INSR: variants seen among roughly 807,000 people sequenced by gnomAD.
INSR encodes the protein insulin receptor.
A neutral mutation model predicts 142.6 loss-of-function variants in INSR; 67 were observed. The observed-to-expected ratio is 0.47, with a 90% CI of 0.39 to 0.58. The LOEUF (loss-of-function observed/expected upper bound fraction) is 0.58. INSR is among the 20% of genes least tolerant of loss of function. The pLI, the probability that INSR is intolerant of heterozygous loss-of-function variation, is 0.00. For synonymous variants in INSR, 756 were observed against 743.1 expected (o/e 1.02, Z -0.28); for missense variants, 1,248 against 1,833.2 (o/e 0.68, Z 5.83).
At chr19:7,170,507 T>A (rs979137916) in intron 6 of INSR, 30 bp downstream of exon 6, 2 of 1,568,382 alleles carry the variant, frequency 1.3e-6, no homozygotes, top group South Asian at 1.1e-5. Flanking sequence ...CGGTCCCTCA[T>A]GCCAAAAAGG....
intron 13 of INSR, among the ~76,000 whole-genome samples, chr19:7,139,133 G>A (rs931112938): frequency 4.6e-5 from 7 of 152,158 alleles, no homozygotes; most frequent in Non-Finnish European, 1.0e-4. Context: ...AACACATGAG[G>A]ACAAAGCTCC....
chr19:7,230,012 A>C (rs532628006), intron 2 of INSR, among the ~76,000 whole-genome samples: 1 of 151,894 alleles, frequency 6.6e-6, no homozygotes, highest in Non-Finnish European at 1.5e-5. Flanking sequence ...GGCCGGCCTC[A>C]AACTCCTGGC....
At chr19:7,126,402 T>C (rs188840988) in intron 16 of INSR, among the ~76,000 whole-genome samples, 182 bp downstream of exon 16, 158 of 152,320 alleles carry the variant, frequency 1.0e-3, no homozygotes, top group African/African-American at 3.6e-3. Context: ...CCAAATACCA[T>C]GTGTCCAGAT....
chr19:7,204,707 A>T (rs540963325), intron 2 of INSR, among the ~76,000 whole-genome samples: 2 of 95,636 alleles, frequency 2.1e-5, no homozygotes, highest in East Asian at 5.9e-4. Context: ...CCTGGCACCT[A>T]TGCGGGGAAA....
intron 14 of INSR, among the ~76,000 whole-genome samples, chr19:7,131,295 T>C (rs1972774860): frequency 1.3e-5 from 2 of 152,016 alleles, no homozygotes; most frequent in Non-Finnish European, 2.9e-5. Context: ...GCTGATTACA[T>C]GGGTGACAAA....
chr19:7,192,302 G>GAAAAGAAAAGAAAAGAA lies in INSR; in HGVS notation c.653-7666_653-7665insTTCTTTTCTTTTCTTTT, dbSNP rs1389765743. On this transcript the variant is annotated intron_variant, in intron 2 of 21. Transcript: ENST00000302850. This position sits in a 1 kb window ranked among gnomAD's most constrained non-coding sequence, Gnocchi z 4.2. Reference sequence around the variant, plus strand: ...GAAAAGAAAAGAAAAGAAAAGAAAAGAAAAGAAAAAAATCACAGGCAGCCC... The same window carrying GAAAAGAAAAGAAAAGAA: ...GAAAAGAAAAGAAAAGAAAAGAAAAGAAAAGAAAAGAAAAGAAAAAAGAAAAAAATCACAGGCAGCCC... 1.9e-5 allele frequency among the ~76,000 whole-genome samples: 2 copies of GAAAAGAAAAGAAAAGAA among 107,972 alleles called. No homozygotes were observed. Among genetic ancestry groups the GAAAAGAAAAGAAAAGAA allele is most frequent in the African/African-American group, 7.1e-5 (2 of 27,996 alleles). 70.8% of individuals were successfully genotyped at this position (107,972 alleles called of 152,430 possible). A position where few individuals can be genotyped will look rare whatever the true frequency, so the allele number is the denominator to read the frequency against.
chr19:7,283,510 G>T (rs1380910540), intron 1 of INSR, among the ~76,000 whole-genome samples: 1 of 152,124 alleles, frequency 6.6e-6, no homozygotes, highest in African/African-American at 2.4e-5. Context: ...TGCAGTCTCG[G>T]CTCACTGCAA....
intron 2 of INSR, among the ~76,000 whole-genome samples, chr19:7,241,386 T>G (rs1230814724): frequency 6.6e-6 from 1 of 151,980 alleles, no homozygotes; most frequent in Non-Finnish European, 1.5e-5. Flanking sequence ...CTTGCTATAT[T>G]GCCCAGGCGG....
intron 2 of INSR, among the ~76,000 whole-genome samples, chr19:7,260,836 G>C (rs1323670659): frequency 6.6e-6 from 1 of 151,596 alleles, no homozygotes; most frequent in Non-Finnish European, 1.5e-5. Context: ...CCAGTCAATG[G>C]TAAAACGAGA....
chr19:7,206,387 A>C (rs1242354501), intron 2 of INSR, among the ~76,000 whole-genome samples: 2 of 152,144 alleles, frequency 1.3e-5, no homozygotes, highest in Non-Finnish European at 2.9e-5. Flanking sequence ...TGCCCAGTCT[A>C]GTTTCAAACC....
At chr19:7,196,960 C>T (rs1234852508) in intron 2 of INSR, among the ~76,000 whole-genome samples, 1 of 152,162 alleles carries the variant, frequency 6.6e-6, no homozygotes, top group Non-Finnish European at 1.5e-5. Flanking sequence ...CATTCAAGGC[C>T]TTTCTCTCCC....
At chr19:7,120,843 G>A (rs1972474213) in intron 19 of INSR, 94 bp from the exon 20 acceptor site, 6 of 1,529,656 alleles carry the variant, frequency 3.9e-6, no homozygotes, top group Non-Finnish European at 5.4e-6. Flanking sequence ...AGCCCTAAGA[G>A]GGGTTCACCT....
chr19:7,153,651 G>C (rs1315811912), intron 9 of INSR, among the ~76,000 whole-genome samples: 1 of 151,918 alleles, frequency 6.6e-6, no homozygotes, highest in East Asian at 1.9e-4. Flanking sequence ...CCAGGAGTTC[G>C]AGGCTGCAGT....
chr19:7,236,553 T>C (rs1164510441), intron 2 of INSR, among the ~76,000 whole-genome samples: 1 of 152,134 alleles, frequency 6.6e-6, no homozygotes, highest in Non-Finnish European at 1.5e-5. Flanking sequence ...CTCAAAACAT[T>C]ACACCAAAGA....
chr19:7,269,263 G>C (rs1483332738), intron 1 of INSR, among the ~76,000 whole-genome samples: 1 of 145,198 alleles, frequency 6.9e-6, no homozygotes, highest in African/African-American at 2.5e-5. Flanking sequence ...GCACAAATTA[G>C]AAAAAACAAT....
At chr19:7,140,927 G>C (rs928263956) in intron 13 of INSR, among the ~76,000 whole-genome samples, 3 of 152,044 alleles carry the variant, frequency 2.0e-5, no homozygotes, top group African/African-American at 7.2e-5. Context: ...CAACTGTTTG[G>C]GTTCTTTTGG....
At chr19:7,288,059 T>C (rs1254556867) in intron 1 of INSR, among the ~76,000 whole-genome samples, 3 of 152,116 alleles carry the variant, frequency 2.0e-5, no homozygotes, top group Non-Finnish European at 4.4e-5. Context: ...GAAGTCGGAA[T>C]CTATGTAAAT....
At chr19:7,162,672 T>G (rs1367611971) in intron 9 of INSR, among the ~76,000 whole-genome samples, 1 of 149,692 alleles carries the variant, frequency 6.7e-6, no homozygotes, top group Non-Finnish European at 1.5e-5. Context: ...AATACCAAAT[T>G]AGCCGGGCGT....
At chr19:7,181,876 T>C (rs140776887) in intron 3 of INSR, among the ~76,000 whole-genome samples, 108 of 151,850 alleles carry the variant, frequency 7.1e-4, no homozygotes, top group African/African-American at 2.4e-3. Context: ...CCACTGTGCC[T>C]GGCCAAGGCC....
Sources: gnomAD v4.1 joint callset for allele counts (sites outside exome capture counted in the v4.1 genomes callset) on GRCh38, gnomAD v4.1.1 for gene constraint, Gnocchi (gnomAD v3.1) non-coding constraint, MANE v1.5 for transcripts, NCBI Gene and HGNC (gene_info 2026-07-23, HGNC 2026-07-21) for gene names.